TSPAN16: variants seen among roughly 807,000 people sequenced by gnomAD.
TSPAN16 encodes tetraspanin-16.
A neutral mutation model predicts 25.2 loss-of-function variants in TSPAN16; 23 were observed. The observed-to-expected ratio is 0.91, with a 90% CI of 0.66 to 1.29. The LOEUF is 1.29. Ranked by LOEUF, TSPAN16 falls within the 50% of genes most tolerant of loss-of-function variation. The pLI is 0.00. For missense variants in TSPAN16, 272 were observed against 299.9 expected (o/e 0.91, Z 0.69); for synonymous variants, 123 against 124.4 (o/e 0.99, Z 0.08).
chr19:11,301,173 A>G (rs2080543065), intron 3 of TSPAN16, 28 bp from the exon 4 acceptor site: 1 of 1,591,546 alleles, frequency 6.3e-7, no homozygotes, highest in Non-Finnish European at 8.6e-7. Context: ...TAGTTGGGGT[A>G]CTGATCACTT....
rs898024995 is a variant in TSPAN16, at chr19:11,306,742, G to A, written c.589G>A (p.Val197Ile). ...TGACGGACGCGATGTGTCTCCAAAC[G>A]TCATCCACCAGAAGGTAACTGGAGA... ...SCDGRDVSPN[V>I]IHQKGCFHKL... Residue 197 changes from valine (V) to isoleucine (I), a missense_variant, in exon 5 of 7, where the codon GTC (valine) becomes ATC (isoleucine). Coordinates refer to ENST00000590327, the MANE Select transcript of TSPAN16 (RefSeq NM_001282509.2). 3.1e-6 allele frequency: 5 copies of A among 1,613,778 alleles called. No individual in the cohort carries two copies. The highest frequency in any genetic ancestry group is 2.2e-5 in the East Asian group (1 of 44,886).
At chr19:11,326,072 A>T (rs1297879199) in intron 6 of TSPAN16, among the ~76,000 whole-genome samples, 1 of 152,092 alleles carries the variant, frequency 6.6e-6, no homozygotes, top group African/African-American at 2.4e-5. Context: ...AAGACAAAAA[A>T]TTAGCTGGGC....
intron 3 of TSPAN16, 133 bp from the exon 4 acceptor site, chr19:11,301,068 G>A (rs397707): frequency 0.34 from 235,069 of 686,980 alleles, 43,866 homozygotes; most frequent in African/African-American, 0.66. Flanking sequence ...ACAGACCCCT[G>A]AGCTGAGGGT....
chr19:11,313,705 C>T (rs1463592836), intron 6 of TSPAN16, among the ~76,000 whole-genome samples: 1 of 152,100 alleles, frequency 6.6e-6, no homozygotes, highest in Non-Finnish European at 1.5e-5. Context: ...TTTATTCTCA[C>T]TAGGATGGCT....
rs752635490 is a variant in TSPAN16 at position 11,298,923 on chromosome 19, G to A, written c.319G>A (p.Val107Met). The part of the protein sequence containing the change: ...VLIMEVTAAT[V>M]VLLFFPIVGD... ...CATCATGGAAGTTACAGCTGCCACA[G>A]TGGTCCTTCTTTTCTTTCCAATTGT... The change falls in exon 3 of 7, where the codon GTG becomes ATG. Residue 107 changes from valine (V) to methionine (M), a missense_variant. Val to Met is a conservative substitution (Grantham distance 21). Coordinates refer to ENST00000590327, the MANE Select transcript of TSPAN16 (RefSeq NM_001282509.2). 1 of 1,614,076 alleles carries A rather than the reference G, an allele frequency of 6.2e-7. No individual in the cohort carries two copies. The highest frequency in any genetic ancestry group is 1.7e-5 in the Admixed American group (1 of 59,998).
intron 3 of TSPAN16, 130 bp downstream of exon 3, chr19:11,299,076 T>C: frequency 1.1e-6 from 1 of 882,040 alleles, no homozygotes; most frequent in East Asian, 2.5e-5. Context: ...GGTCATGAGT[T>C]TGAGACCAGC....
chr19:11,302,706 C>T lies in TSPAN16; in HGVS notation c.450+1398C>T, dbSNP rs566206071. ...ACACACACACACACACACACACACA[C>T]ATACATATATATATTCACATATATA... On this transcript the variant is annotated intron_variant, in intron 4 of 6. Coordinates refer to ENST00000590327, the MANE Select transcript of TSPAN16 (RefSeq NM_001282509.2). Among the ~76,000 whole-genome samples the T allele has an allele frequency of 7.6e-4, 108 of 142,482 alleles. 1 individual carries two copies. Among genetic ancestry groups the T allele is most frequent in the South Asian group, 1.3e-3 (6 of 4,580 alleles). The allele number at this position is 142,482 out of a possible 152,430, so 93.5% of individuals were successfully genotyped here. A position where few individuals can be genotyped will look rare whatever the true frequency, so the allele number is the denominator to read the frequency against.
At chr19:11,296,969 G>A (rs1018395078) in intron 1 of TSPAN16, among the ~76,000 whole-genome samples, 2 of 152,176 alleles carry the variant, frequency 1.3e-5, no homozygotes, top group African/African-American at 2.4e-5. Flanking sequence ...GAACCTGGGC[G>A]GCAGAGGTTG....
At chr19:11,297,028 G>A (rs94515) in intron 1 of TSPAN16, among the ~76,000 whole-genome samples, 62,837 of 152,108 alleles carry the variant, frequency 0.41, 14,964 homozygotes, top group African/African-American at 0.67. Context: ...GCAACATAGC[G>A]AGACTCTGTC....
intron 6 of TSPAN16, chr19:11,324,388 C>G (rs1271193623): frequency 6.6e-6 from 1 of 152,206 alleles, no homozygotes; most frequent in Non-Finnish European, 1.5e-5. Flanking sequence ...AGCCCAGGTG[C>G]TTACATCAGA....
At chr19:11,302,660 CATATAT>C (rs772111584) in intron 4 of TSPAN16, among the ~76,000 whole-genome samples, 22 of 97,842 alleles carry the variant, frequency 2.2e-4, no homozygotes, top group African/African-American at 1.2e-3. Context: ...TATACACATA[CATATAT>C]ATATATATAT....
In TSPAN16 at chr19:11,296,226, C is replaced by T. The variant is rs962182876; in HGVS notation, c.-72C>T. ...CGCCCCTTCCTCAGATCCCTATCAT[C>T]TTGGGAAACAGTAGCCCAGAGGTTC... On this transcript the variant is annotated 5_prime_UTR_variant, in exon 1 of 7. Transcript: ENST00000590327. The T allele has an allele frequency of 1.3e-6, 2 of 1,510,172 alleles. No individual in the cohort carries two copies. The highest frequency in any genetic ancestry group is 1.4e-5 in the African/African-American group (1 of 73,368). 93.5% of individuals were successfully genotyped at this position (1,510,172 alleles called of 1,614,324 possible).
At chr19:11,321,782 G>T (rs2080781230) in intron 6 of TSPAN16, among the ~76,000 whole-genome samples, 1 of 152,158 alleles carries the variant, frequency 6.6e-6, no homozygotes, top group Non-Finnish European at 1.5e-5. Context: ...AAGCAGAGGA[G>T]GAATGCGCTG....
rs148430556 is a variant in TSPAN16 at position 11,302,171 on chromosome 19, C to A, written c.450+863C>A. On this transcript the variant is annotated intron_variant, in intron 4 of 6. Transcript: ENST00000590327. ...GCAGTTCAGCGGCATTAAGCACATT[C>A]GCATTGTTGTGCGACCATCACCACC... Among the ~76,000 whole-genome samples the A allele has an allele frequency of 3.3e-3, 497 of 152,156 alleles. 3 individuals carry two copies. The highest frequency in any genetic ancestry group is 0.012 in the African/African-American group (478 of 41,516).
In TSPAN16 at chr19:11,301,288, T is replaced by G. The variant is rs764454846; in HGVS notation, c.430T>G (p.Trp144Gly). The G allele has an allele frequency of 1.2e-5, 20 of 1,612,916 alleles. No individual in the cohort carries two copies. The highest frequency in any genetic ancestry group is 8.4e-5 in the Admixed American group (5 of 59,844). ...YNEPDDYSTQ[W>G]NLVMEKLKCC... is the part of the protein sequence containing the mutation. Reference sequence around the variant, plus strand: ...CGAGCCAGACGACTATTCTACACAGTGGAACTTGGTCATGGAGAAGGTGAG... The same window carrying G: ...CGAGCCAGACGACTATTCTACACAGGGGAACTTGGTCATGGAGAAGGTGAG... Residue 144 changes from tryptophan to glycine, a missense_variant, in exon 4 of 7, where the codon TGG (tryptophan) becomes GGG (glycine). By Grantham distance (184) the Trp-to-Gly change is radical. Coordinates refer to ENST00000590327, the MANE Select transcript of TSPAN16 (RefSeq NM_001282509.2).
chr19:11,312,058 C>T, intron 5 of TSPAN16, 81 bp from the exon 6 acceptor site: 1 of 1,039,756 alleles, frequency 9.6e-7, no homozygotes, highest in Non-Finnish European at 1.5e-6. Flanking sequence ...TCTGAGTGGC[C>T]TAATGAGTTG....
chr19:11,320,550 G>A (rs189552374), downstream of TSPAN16, among the ~76,000 whole-genome samples: 2 of 152,012 alleles, frequency 1.3e-5, no homozygotes, highest in African/African-American at 4.8e-5. Context: ...GTGCTTGCTT[G>A]TAGTTCCAGA....
At chr19:11,299,872 G>T (rs769023400) in intron 3 of TSPAN16, among the ~76,000 whole-genome samples, 2 of 151,920 alleles carry the variant, frequency 1.3e-5, no homozygotes, top group Non-Finnish European at 2.9e-5. Context: ...AGCTATTCAG[G>T]AGGCTGAGGC....
chr19:11,309,889 A>C (rs1280032322), intron 5 of TSPAN16, among the ~76,000 whole-genome samples: 1 of 152,032 alleles, frequency 6.6e-6, no homozygotes, highest in Non-Finnish European at 1.5e-5. Flanking sequence ...TCACTTGAGG[A>C]CAGGAGTTCA....
Sources: allele counts gnomAD v4.1 joint callset (sites outside exome capture counted in the v4.1 genomes callset), GRCh38; gene constraint gnomAD v4.1.1; transcripts MANE v1.5; gene names NCBI Gene and HGNC (gene_info 2026-07-23, HGNC 2026-07-21).